Variants in CSMD1 observed in about 807,000 individuals in gnomAD.
CSMD1 encodes CUB and sushi domain-containing protein 1.
Under a neutral mutation model 417.5 loss-of-function variants are expected in CSMD1, and 213 were observed. That is an observed-to-expected ratio of 0.51 (90% confidence interval 0.46 to 0.57). The LOEUF is 0.57. Among genes scored for constraint, CSMD1 ranks in the 20% least tolerant of loss-of-function variants. The pLI, the probability that CSMD1 is intolerant of heterozygous loss-of-function variation, is 0.00. For synonymous variants in CSMD1, 2,862 were observed against 1,736.8 expected, an observed-to-expected ratio of 1.65 and a Z score of -16.11; for missense variants, 6,923 against 4,529.7, an observed-to-expected ratio of 1.53 and a Z score of -15.17.
At chr8:4,337,125 A>C (rs1800218699) in intron 3 of CSMD1, among the ~76,000 whole-genome samples, 1 of 152,100 alleles carries the variant, frequency 6.6e-6, no homozygotes. Flanking sequence ...CGAAGCATTT[A>C]AGTGGGATCT....
chr8:4,641,049 C>T (rs1803159551), intron 1 of CSMD1, among the ~76,000 whole-genome samples: 1 of 149,416 alleles, frequency 6.7e-6, no homozygotes, highest in Admixed American at 6.7e-5. Flanking sequence ...ATTTCAATTT[C>T]ATATATATAT....
chr8:3,809,675 C>G (rs761322119), intron 5 of CSMD1, among the ~76,000 whole-genome samples: 1 of 152,136 alleles, frequency 6.6e-6, no homozygotes, highest in African/African-American at 2.4e-5. Flanking sequence ...GCTGATGCTG[C>G]TAATCTGGGA....
At chr8:4,458,173 T>C (rs1279935803) in intron 2 of CSMD1, among the ~76,000 whole-genome samples, 1 of 152,196 alleles carries the variant, frequency 6.6e-6, no homozygotes, top group Non-Finnish European at 1.5e-5. Context: ...CTGATTAATA[T>C]ACTAAATATC....
At chr8:4,920,121 A>G (rs1044596524) in intron 1 of CSMD1, among the ~76,000 whole-genome samples, 1 of 152,236 alleles carries the variant, frequency 6.6e-6, no homozygotes, top group African/African-American at 2.4e-5. Flanking sequence ...AAGGTAGGTT[A>G]TCATGAAAAT....
chr8:3,236,615 G>A (rs905857934), intron 26 of CSMD1, among the ~76,000 whole-genome samples: 39 of 152,270 alleles, frequency 2.6e-4, no homozygotes, highest in African/African-American at 9.1e-4. Flanking sequence ...TCCATTAGGG[G>A]CAGAAACTGC....
intron 1 of CSMD1, among the ~76,000 whole-genome samples, chr8:4,766,308 G>A (rs906966452): frequency 1.3e-5 from 2 of 152,158 alleles, no homozygotes; most frequent in African/African-American, 4.8e-5. Flanking sequence ...CATTCGGTGA[G>A]CCAACTATGT....
At chr8:3,222,471 A>T (rs1563157376) in intron 28 of CSMD1, among the ~76,000 whole-genome samples, 1 of 152,028 alleles carries the variant, frequency 6.6e-6, no homozygotes, top group Non-Finnish European at 1.5e-5. Context: ...AAGCACACCA[A>T]GCCAATTTTT....
intron 1 of CSMD1, among the ~76,000 whole-genome samples, chr8:4,681,646 C>T (rs922491177): frequency 6.6e-6 from 1 of 152,136 alleles, no homozygotes; most frequent in African/African-American, 2.4e-5. Context: ...TGGTTGCTGG[C>T]ACGTCAATCC....
At chr8:3,165,935 A>G (rs554756558) in intron 37 of CSMD1, among the ~76,000 whole-genome samples, 6 of 152,278 alleles carry the variant, frequency 3.9e-5, no homozygotes, top group South Asian at 2.1e-4. Flanking sequence ...AGACAATAAC[A>G]TAGAAGACAA....
intron 10 of CSMD1, among the ~76,000 whole-genome samples, chr8:3,505,265 G>A (rs541336504): frequency 1.3e-5 from 2 of 152,284 alleles, no homozygotes; most frequent in East Asian, 3.9e-4. Context: ...GCGATAAAAT[G>A]CAGAATTAAC....
intron 46 of CSMD1, among the ~76,000 whole-genome samples, chr8:3,104,127 T>A (rs1242338442): frequency 6.6e-6 from 1 of 152,202 alleles, no homozygotes; most frequent in East Asian, 1.9e-4. Context: ...TTAGTTAAAG[T>A]CTTCTATTCT....
intron 1 of CSMD1, among the ~76,000 whole-genome samples, chr8:4,854,884 A>G (rs950375610): frequency 1.1e-4 from 17 of 152,118 alleles, no homozygotes; most frequent in African/African-American, 1.9e-4. Context: ...CAAAGCAGCC[A>G]GGAAGCTCGA....
intron 5 of CSMD1, among the ~76,000 whole-genome samples, chr8:3,981,148 G>C (rs1326094847): frequency 6.6e-6 from 1 of 152,182 alleles, no homozygotes; most frequent in Non-Finnish European, 1.5e-5. Flanking sequence ...AACAGTGATA[G>C]TTACGCTGCA....
intron 5 of CSMD1, among the ~76,000 whole-genome samples, chr8:3,935,718 C>G (rs1480965729): frequency 2.0e-5 from 3 of 152,164 alleles, no homozygotes; most frequent in South Asian, 2.1e-4. Context: ...CCACATCTCT[C>G]TACCTCCTTC....
At chr8:4,206,490 C>G (rs878884084) in intron 3 of CSMD1, among the ~76,000 whole-genome samples, 2 of 152,160 alleles carry the variant, frequency 1.3e-5, no homozygotes, top group Non-Finnish European at 2.9e-5. Context: ...CCAGCTTCGT[C>G]CATGTCCCTA....
At chr8:3,933,489 A>T (rs1239737788) in intron 5 of CSMD1, among the ~76,000 whole-genome samples, 1 of 152,100 alleles carries the variant, frequency 6.6e-6, no homozygotes, top group Non-Finnish European at 1.5e-5. Flanking sequence ...CCTTTCAGCC[A>T]TGGTCTTCTT....
At chr8:3,386,522 G>A (rs1188300188) in intron 18 of CSMD1, among the ~76,000 whole-genome samples, 2 of 152,220 alleles carry the variant, frequency 1.3e-5, no homozygotes, top group South Asian at 2.1e-4. Flanking sequence ...AAGATTTTGA[G>A]TGATCTGCAG....
rs147994173 is a variant in CSMD1, at chr8:4,665,749, G to T, written c.86-28191C>A. On this transcript the variant is annotated intron_variant, in intron 1 of 69. Transcript: ENST00000635120. ...TATGGTATGAATATTAAACAATGTG[G>T]TTACCATTTGCATATTAATATTTGT... 6.7e-3 allele frequency among the ~76,000 whole-genome samples: 1,027 copies of T among 152,210 alleles called. 12 individuals carry two copies. Among genetic ancestry groups the T allele is most frequent in the African/African-American group, 0.022 (921 of 41,510 alleles).
At chr8:3,203,393 G>A (rs1304998048) in intron 31 of CSMD1, among the ~76,000 whole-genome samples, 1 of 152,156 alleles carries the variant, frequency 6.6e-6, no homozygotes, top group Non-Finnish European at 1.5e-5. Context: ...CTACGCTGCT[G>A]CCGGAAATCA....
Sources: gnomAD v4.1 joint callset for allele counts (sites outside exome capture counted in the v4.1 genomes callset) on GRCh38, gnomAD v4.1.1 for gene constraint, MANE v1.5 for transcripts, NCBI Gene and HGNC (gene_info 2026-07-23, HGNC 2026-07-21) for gene names.